The following CLEC1A variants were observed in gnomAD, a reference collection of about 807,000 sequenced individuals.
CLEC1A encodes C-type lectin-like receptor-1.
CLEC1A carries 34 observed loss-of-function variants against 28.7 expected under a neutral mutation model. The ratio of observed to expected loss-of-function variants is 1.18; its 90% CI spans 0.90 to 1.57. The LOEUF is 1.57. CLEC1A is among the 40% of genes most tolerant of loss of function. The pLI is 0.00. For synonymous variants in CLEC1A, 116 were observed against 121.0 expected (o/e 0.96, Z 0.27); for missense variants, 385 against 339.5 (o/e 1.13, Z -1.05).
intron 4 of CLEC1A, 63 bp from the exon 5 acceptor site, chr12:10,073,474 T>G: frequency 1.7e-6 from 2 of 1,209,306 alleles, no homozygotes; most frequent in South Asian, 2.6e-5. Context: ...TGTACAGACA[T>G]GCATGGGCCA....
rs906128715 is a variant in CLEC1A, at chr12:10,073,644, C to T, written c.544-233G>A. 5.9e-5 allele frequency among the ~76,000 whole-genome samples: 9 copies of T among 152,174 alleles called. No homozygotes were observed. In the South Asian group the frequency reaches 8.3e-4, roughly 14 times the overall value. On this transcript the variant is annotated intron_variant, in intron 4 of 5. Transcript: ENST00000315330. ...GGAACACATGTCGATATTCTGAAAG[C>T]GGAAATCACATCAACCAAGATTTGT...
At chr12:10,075,991 C>T (rs1866244118) in intron 3 of CLEC1A, among the ~76,000 whole-genome samples, 1 of 152,130 alleles carries the variant, frequency 6.6e-6, no homozygotes, top group South Asian at 2.1e-4. Flanking sequence ...TACAGAAACT[C>T]CAACTGCATT....
Position 10,070,403 on chromosome 12 carries a change from A to C in CLEC1A, c.*930T>G, listed in dbSNP as rs936796937. On this transcript the variant is annotated 3_prime_UTR_variant, in exon 6 of 6. Transcript: ENST00000315330. The stretch of plus-strand genomic sequence containing the variant: ...TCAGTAAGGCACAATCAAAATAATG[A>C]CCGCTATCATATTTTGAAAAGCATT... 1 of 152,222 alleles carries C rather than the reference A, an allele frequency of 6.6e-6. No homozygotes were observed. Among genetic ancestry groups the C allele is most frequent in the African/African-American group, 2.4e-5 (1 of 41,450 alleles). The allele number at this position is 152,222 out of a possible 1,614,324, so 9.4% of individuals were successfully genotyped here.
chr12:10,073,677 C>T (rs1866188918), intron 4 of CLEC1A, among the ~76,000 whole-genome samples: 1 of 152,004 alleles, frequency 6.6e-6, no homozygotes, highest in South Asian at 2.1e-4. Context: ...TGTTCCTGAC[C>T]CATGGCTTTT....
At chr12:10,084,832 A>G (rs1198969869) in intron 2 of CLEC1A, among the ~76,000 whole-genome samples, 2 of 149,602 alleles carry the variant, frequency 1.3e-5, no homozygotes, top group Admixed American at 6.6e-5. Context: ...AAAAAAAAAA[A>G]AAAAAAAAAA....
At chr12:10,085,143 C>T (rs570928890) in intron 2 of CLEC1A, among the ~76,000 whole-genome samples, 10 of 150,296 alleles carry the variant, frequency 6.7e-5, no homozygotes, top group Admixed American at 3.3e-4. Context: ...TCTCAGAATA[C>T]ACCAAAATAG....
At chr12:10,081,919 A>T (rs1398750633) in intron 2 of CLEC1A, among the ~76,000 whole-genome samples, 1 of 152,128 alleles carries the variant, frequency 6.6e-6, no homozygotes, top group East Asian at 1.9e-4. Context: ...CTGGAGCAGA[A>T]ATGGATGTAG....
intron 2 of CLEC1A, among the ~76,000 whole-genome samples, chr12:10,085,167 CATAAATCTCACAGGACCT>C (rs1866459106): frequency 6.9e-6 from 1 of 145,390 alleles, no homozygotes; most frequent in African/African-American, 2.5e-5. Flanking sequence ...CTCCTGAAAG[CATAAATCTCACAGGACCT>C]ATAAGACAAT....
At position 10,081,383 on chromosome 12, in the gene CLEC1A, C is replaced by G; in HGVS notation, c.245G>C (p.Gly82Ala). 6.2e-7 allele frequency: 1 copy of G among 1,611,666 alleles called. No individual in the cohort carries two copies. Residue 82 changes from glycine to alanine, a missense_variant, in exon 3 of 6, where the codon GGT becomes GCT. Coordinates refer to ENST00000315330, the MANE Select transcript of CLEC1A (RefSeq NM_016511.4). The part of the protein sequence containing the change: ...FFQYYQLSNT[G>A]QDTISQMEER... ...TTCCATTTGAGAAATGGTGTCTTGA[C>G]CAGTATTGGAGAGCTGGTAGTACTG...
intron 2 of CLEC1A, among the ~76,000 whole-genome samples, chr12:10,088,495 A>AAAAGAACTGTTCAAAGAACAGTTC (rs1866548066): frequency 6.6e-6 from 1 of 151,372 alleles, no homozygotes; most frequent in Non-Finnish European, 1.5e-5. Flanking sequence ...AAGAACAGTT[A>AAAAGAACTGTTCAAAGAACAGTTC]TTCAGCTGTT....
At chr12:10,094,929 CT>C (rs1259321086) in intron 1 of CLEC1A, among the ~76,000 whole-genome samples, 7 of 152,176 alleles carry the variant, frequency 4.6e-5, no homozygotes, top group African/African-American at 1.4e-4. Context: ...GATCATGTCA[CT>C]TCCTCTGGGA....
chr12:10,084,271 T>C (rs1866432739), intron 2 of CLEC1A: 1 of 152,162 alleles, frequency 6.6e-6, no homozygotes, highest in Non-Finnish European at 1.5e-5. Flanking sequence ...TAGGTGTGTG[T>C]CCCCTTCCTC....
intron 2 of CLEC1A, among the ~76,000 whole-genome samples, chr12:10,084,694 C>T (rs1045338052): frequency 5.9e-5 from 9 of 151,602 alleles, no homozygotes; most frequent in East Asian, 5.8e-4. Context: ...TGGTGGCAGG[C>T]GCCTGTAGTC....
At chr12:10,080,899 CT>C (rs1209059470) in intron 3 of CLEC1A, among the ~76,000 whole-genome samples, 1 of 152,186 alleles carries the variant, frequency 6.6e-6, no homozygotes, top group Non-Finnish European at 1.5e-5. Context: ...TATGAGTTTG[CT>C]TACTTCTTAC....
chr12:10,094,282 T>A (rs1356089689), intron 1 of CLEC1A, among the ~76,000 whole-genome samples: 1 of 152,040 alleles, frequency 6.6e-6, no homozygotes, highest in Non-Finnish European at 1.5e-5. Context: ...AAACACCCCC[T>A]ATAAGGTAGA....
intron 2 of CLEC1A, among the ~76,000 whole-genome samples, chr12:10,083,489 G>T (rs1316150236): frequency 1.3e-5 from 2 of 152,128 alleles, no homozygotes; most frequent in Non-Finnish European, 2.9e-5. Context: ...TTCTTTTTGA[G>T]ACAGAATCTC....
chr12:10,095,338 G>A (rs1301147641), intron 1 of CLEC1A, among the ~76,000 whole-genome samples: 1 of 133,912 alleles, frequency 7.5e-6, no homozygotes, highest in Non-Finnish European at 1.8e-5. Context: ...TCTTTTGATA[G>A]GATAAAATTT....
At chr12:10,085,463 G>T (rs1002976038) in intron 2 of CLEC1A, among the ~76,000 whole-genome samples, 2 of 148,372 alleles carry the variant, frequency 1.3e-5, no homozygotes, top group African/African-American at 2.5e-5. Flanking sequence ...GATATTCCAC[G>T]CAAATGGAAA....
chr12:10,098,914 G>A lies in CLEC1A; in HGVS notation c.9C>T (p.Ala3=). MQ[A]KYSSTRDMLD... The stretch of plus-strand genomic sequence containing the variant: ...GCATGTCCCTCGTGCTGCTGTACTT[G>A]GCCTGCATCTGGATTCCTACAGCGG... Residue 3 remains alanine (A), a synonymous_variant, in exon 1 of 6, where the codon GCC becomes GCT. Transcript: ENST00000315330. 1 of 1,610,592 alleles carries A rather than the reference G, an allele frequency of 6.2e-7. No individual in the cohort carries two copies. Among genetic ancestry groups the A allele is most frequent in the South Asian group, 1.1e-5 (1 of 90,454 alleles).
Sources: allele counts gnomAD v4.1 joint callset (sites outside exome capture counted in the v4.1 genomes callset), GRCh38; gene constraint gnomAD v4.1.1; transcripts MANE v1.5; gene names NCBI Gene and HGNC (gene_info 2026-07-23, HGNC 2026-07-21).